KIAA1549: variants seen among roughly 807,000 people sequenced by gnomAD.
KIAA1549 encodes the protein KIAA1549.
Under a neutral mutation model 156.4 loss-of-function variants are expected in KIAA1549, and 70 were observed. That is an observed-to-expected ratio of 0.45 (90% CI 0.37 to 0.55). The LOEUF (loss-of-function observed/expected upper bound fraction) is 0.55, where lower values mean the gene tolerates loss of function less well. Ranked by LOEUF, KIAA1549 falls within the 20% of genes least tolerant of loss-of-function variation. KIAA1549 has a pLI of 0.00. For synonymous variants in KIAA1549, 1,103 were observed against 1,066.4 expected (o/e 1.03, Z -0.67); for missense variants, 2,428 against 2,540.9 (o/e 0.96, Z 0.96).
At chr7:138,925,370 A>G (rs1351875720) in intron 1 of KIAA1549, among the ~76,000 whole-genome samples, 1 of 152,090 alleles carries the variant, frequency 6.6e-6, no homozygotes, top group Non-Finnish European at 1.5e-5. Context: ...CCAATCCCTC[A>G]TGGTGCAAAT....
In KIAA1549 at chr7:138,906,919, G is replaced by C; in HGVS notation, c.3460C>G (p.Pro1154Ala). Residue 1154 changes from proline (P) to alanine (A), a missense_variant and splice_region_variant, in exon 6 of 20, where the codon CCC (proline) becomes GCC (alanine). By Grantham distance (27) the Pro-to-Ala change is conservative. Coordinates refer to ENST00000422774, the MANE Select transcript of KIAA1549 (RefSeq NM_001164665.2). ...GCATGTCCAAGAGGGCTGTACTCAC[G>C]CTCTGCGATCTGCAGCACTGGGTAT... ...LGYPVLQIAE[P>A]FQYPQLNLSQ... The C allele has an allele frequency of 6.3e-7, 1 of 1,588,660 alleles. No homozygotes were observed. Among genetic ancestry groups the C allele is most frequent in the Non-Finnish European group, 8.6e-7 (1 of 1,169,318 alleles).
At chr7:138,876,671 C>A (rs10252467) in intron 12 of KIAA1549, among the ~76,000 whole-genome samples, 67,532 of 152,042 alleles carry the variant, frequency 0.44, 15,762 homozygotes, top group Middle Eastern at 0.58. Flanking sequence ...TAAAGGGGAG[C>A]GAGAGAAAAA....
chr7:138,912,622 A>G (rs1812201965), intron 2 of KIAA1549, among the ~76,000 whole-genome samples, 162 bp from the exon 3 acceptor site: 1 of 152,046 alleles, frequency 6.6e-6, no homozygotes, highest in African/African-American at 2.4e-5. Flanking sequence ...TTAAGGATCT[A>G]GTTGCTGCTA....
At chr7:138,893,829 G>A (rs763995594) in intron 10 of KIAA1549, among the ~76,000 whole-genome samples, 2 of 152,246 alleles carry the variant, frequency 1.3e-5, no homozygotes, top group East Asian at 1.9e-4. Context: ...CCAGCACTTC[G>A]GGAGGCCAAG....
intron 1 of KIAA1549, among the ~76,000 whole-genome samples, chr7:138,946,607 C>T (rs1160403094): frequency 2.6e-5 from 4 of 152,108 alleles, no homozygotes; most frequent in Non-Finnish European, 4.4e-5. Context: ...TGAAGAACCC[C>T]GTCTCTACCA....
chr7:138,900,223 C>A (rs1036146215), intron 8 of KIAA1549, among the ~76,000 whole-genome samples: 1 of 152,182 alleles, frequency 6.6e-6, no homozygotes, highest in African/African-American at 2.4e-5. Flanking sequence ...ACTGTGAACT[C>A]CTTCTTCCAG....
intron 9 of KIAA1549, among the ~76,000 whole-genome samples, chr7:138,896,370 T>C (rs186160811): frequency 6.6e-6 from 1 of 152,222 alleles, no homozygotes; most frequent in East Asian, 1.9e-4. Flanking sequence ...GCATTCTAAA[T>C]CAAATGCACC....
chr7:138,905,707 A>ATT (rs551824906), intron 6 of KIAA1549, among the ~76,000 whole-genome samples: 1 of 145,774 alleles, frequency 6.9e-6, no homozygotes. Flanking sequence ...GGAATCTACT[A>ATT]TTTTTTTTTT....
chr7:138,925,659 C>T (rs1272900714), intron 1 of KIAA1549, among the ~76,000 whole-genome samples: 1 of 151,582 alleles, frequency 6.6e-6, no homozygotes. Context: ...GGCGAAACCC[C>T]GTCTCTACAA....
intron 1 of KIAA1549, among the ~76,000 whole-genome samples, chr7:138,931,357 G>A (rs1054927772): frequency 1.3e-5 from 2 of 152,214 alleles, no homozygotes; most frequent in African/African-American, 4.8e-5. Context: ...TGGGGCAGGC[G>A]TACACCTGTG....
chr7:138,925,359 G>A (rs772961424), intron 1 of KIAA1549, among the ~76,000 whole-genome samples: 1 of 151,946 alleles, frequency 6.6e-6, no homozygotes, highest in Non-Finnish European at 1.5e-5. Context: ...TAAGACCTAG[G>A]CCAATCCCTC....
intron 1 of KIAA1549, among the ~76,000 whole-genome samples, chr7:138,963,503 A>G (rs1310114964): frequency 1.3e-5 from 2 of 152,206 alleles, no homozygotes; most frequent in African/African-American, 4.8e-5. Context: ...ATAAACTACA[A>G]CGAACAAAAT....
At chr7:138,880,797 T>A (rs563775107) in intron 11 of KIAA1549, among the ~76,000 whole-genome samples, 3 of 152,098 alleles carry the variant, frequency 2.0e-5, no homozygotes, top group Non-Finnish European at 2.9e-5. Context: ...CTCCATGTGC[T>A]ATACTTTGAG....
intron 6 of KIAA1549, among the ~76,000 whole-genome samples, 191 bp downstream of exon 6, chr7:138,906,728 C>T (rs1812015151): frequency 1.3e-5 from 2 of 151,870 alleles, no homozygotes; most frequent in South Asian, 2.1e-4. Context: ...GATGGGTGCA[C>T]CAGGATCTCA....
Position 138,868,795 on chromosome 7 carries a change from CA to C in KIAA1549, c.4776-668del, listed in dbSNP as rs371920508. ...CAGGGAGGATGTGGGAAGCAGGTGCCAGGGGCAGAAACGGCAGGCAGGTGAA... is the reference window on the plus strand; with the variant it reads ...CAGGGAGGATGTGGGAAGCAGGTGCCGGGGCAGAAACGGCAGGCAGGTGAA... On this transcript the variant is annotated intron_variant, in intron 14 of 19. Transcript: ENST00000422774. Among the ~76,000 whole-genome samples the C allele has an allele frequency of 5.0e-4, 76 of 152,284 alleles. 1 individual carries two copies. In the East Asian group the frequency reaches 8.3e-3, roughly 17 times the overall value.
Position 138,918,343 on chromosome 7 carries a change from G to A in KIAA1549, c.1283C>T (p.Ser428Leu). The stretch of plus-strand genomic sequence containing the variant: ...GCTCGTGGCCAGAACTTGCTGAGGT[G>A]AAGGCACAGTGCAGGCCGCACACCA... ...YTWCAACTVP[S>L]PQQVLATSLM... The change falls in exon 2 of 20, where the codon TCA becomes TTA. Residue 428 changes from serine to leucine, a missense_variant. Ser to Leu is a moderately radical substitution (Grantham distance 145). This residue lies in a region of KIAA1549 where 893 missense variants were observed against 847.9 expected (regional missense o/e 1.05). Coordinates refer to ENST00000422774, the MANE Select transcript of KIAA1549 (RefSeq NM_001164665.2). This position sits in a 1 kb window ranked among gnomAD's most constrained non-coding sequence, Gnocchi z 4.2. 6.2e-7 allele frequency: 1 copy of A among 1,614,002 alleles called. No homozygotes were observed. The highest frequency in any genetic ancestry group is 1.3e-5 in the African/African-American group (1 of 75,034).
intron 13 of KIAA1549, among the ~76,000 whole-genome samples, chr7:138,870,094 G>A (rs761709592): frequency 4.9e-4 from 74 of 151,848 alleles, no homozygotes; most frequent in Non-Finnish European, 9.9e-4. Context: ...GAAATGATAC[G>A]CCCACATCAA....
chr7:138,868,039 G>A lies in KIAA1549; in HGVS notation c.4865C>T (p.Thr1622Ile), dbSNP rs2130378877. Residue 1622 changes from threonine (T) to isoleucine (I), a missense_variant, in exon 15 of 20, where the codon ACA (threonine) becomes ATA (isoleucine). This residue lies in a region of KIAA1549 where 404 missense variants were observed against 417.0 expected (regional missense o/e 0.97). Transcript: ENST00000422774. ...CCTCCTGTAGGTGCCATCGCTGTCT[G>A]TGGTGATGAGCCGGTCCTTCTCAGC... ...ADAEKDRLIT[T>I]DSDGTYRRPP... 1 of 1,613,974 alleles carries A rather than the reference G, an allele frequency of 6.2e-7. No homozygotes were observed. Among genetic ancestry groups the A allele is most frequent in the Admixed American group, 1.7e-5 (1 of 60,024 alleles).
intron 1 of KIAA1549, among the ~76,000 whole-genome samples, chr7:138,950,830 G>A (rs1000198898): frequency 6.6e-6 from 1 of 152,014 alleles, no homozygotes; most frequent in Non-Finnish European, 1.5e-5. Flanking sequence ...TCTCTACCCT[G>A]CTGAGGTTAT....
Sources: allele counts gnomAD v4.1 joint callset (sites outside exome capture counted in the v4.1 genomes callset), GRCh38; gene constraint gnomAD v4.1.1; regional missense constraint gnomAD v4.1.1; non-coding constraint Gnocchi (gnomAD v3.1); transcripts MANE v1.5; gene names NCBI Gene and HGNC (gene_info 2026-07-23, HGNC 2026-07-21).